NXN: variants seen among roughly 807,000 people sequenced by gnomAD.
NXN encodes nucleoredoxin 1.
A neutral mutation model predicts 48.6 loss-of-function variants in NXN; 16 were observed. That is an observed-to-expected ratio of 0.33 (90% confidence interval 0.22 to 0.50). The LOEUF is 0.50. NXN is among the 20% of genes least tolerant of loss of function. The pLI is 0.98. For missense variants in NXN, 492 were observed against 605.5 expected, an observed-to-expected ratio of 0.81 and a Z score of 1.97; for synonymous variants, 281 against 269.6, an observed-to-expected ratio of 1.04 and a Z score of -0.41.
chr17:857,988 G>C (rs990490648), intron 1 of NXN, among the ~76,000 whole-genome samples: 12 of 59,490 alleles, frequency 2.0e-4, no homozygotes, highest in African/African-American at 6.5e-4. Flanking sequence ...TTTTTTTTTT[G>C]AGATGGGGTC....
At chr17:877,361 T>A (rs940353229) in intron 1 of NXN, among the ~76,000 whole-genome samples, 2 of 152,006 alleles carry the variant, frequency 1.3e-5, no homozygotes, top group Admixed American at 6.5e-5. Context: ...TTGGCCAGGA[T>A]GGTCTCGATC....
intron 1 of NXN, among the ~76,000 whole-genome samples, chr17:884,718 C>A (rs367799118): frequency 3.3e-5 from 5 of 152,156 alleles, no homozygotes; most frequent in East Asian, 3.9e-4. Context: ...AGTCTTGAAT[C>A]CAAACGTTCA....
chr17:821,938 G>A (rs1912841486), intron 4 of NXN, among the ~76,000 whole-genome samples: 1 of 151,746 alleles, frequency 6.6e-6, no homozygotes, highest in Non-Finnish European at 1.5e-5. Flanking sequence ...ACATCCCCCA[G>A]TATTTACAGC....
Position 830,218 on chromosome 17 carries a change from C to A in NXN, c.361-4140G>T, listed in dbSNP as rs150528513. Among the ~76,000 whole-genome samples the A allele has an allele frequency of 8.5e-4, 130 of 152,272 alleles. No homozygotes were observed. The highest frequency in any genetic ancestry group is 2.7e-3 in the African/African-American group (113 of 41,544). The stretch of plus-strand genomic sequence containing the variant: ...AGTGATTCAGCAGATATTAAGTGAG[C>A]GCCCACTGTGTGCCAGGCTCGTTCT... On this transcript the variant is annotated intron_variant, in intron 1 of 7. Transcript: ENST00000336868. The surrounding 1 kb of genome is among the most constrained non-coding windows in gnomAD (Gnocchi z 4.2).
At chr17:811,318 T>TGGCCTAAGAGAGAA (rs1911987247) in intron 5 of NXN, among the ~76,000 whole-genome samples, 1 of 152,212 alleles carries the variant, frequency 6.6e-6, no homozygotes, top group Admixed American at 6.5e-5. Context: ...ACAGGGCCCC[T>TGGCCTAAGAGAGAA]GGCCTAAGAG....
intron 1 of NXN, among the ~76,000 whole-genome samples, chr17:951,175 T>TAAA (rs59266525): frequency 5.3e-5 from 3 of 56,766 alleles, no homozygotes; most frequent in Admixed American, 2.0e-4. Context: ...TGTCTCTACT[T>TAAA]AAAAAAAAAA....
intron 1 of NXN, among the ~76,000 whole-genome samples, chr17:974,631 A>G (rs1239033480): frequency 1.3e-5 from 2 of 151,900 alleles, no homozygotes; most frequent in African/African-American, 2.4e-5. Context: ...GCACAAGGAC[A>G]CACAGCTAAT....
At chr17:918,367 G>A (rs16942596) in intron 1 of NXN, among the ~76,000 whole-genome samples, 27,401 of 152,204 alleles carry the variant, frequency 0.18, 3,283 homozygotes, top group East Asian at 0.45. Flanking sequence ...ATCCATCAGC[G>A]AGTTTCATCG....
Position 825,848 on chromosome 17 carries a change from G to A in NXN, c.478+113C>T, listed in dbSNP as rs897294104. Reference sequence around the variant, plus strand: ...GACATTCTCTACCACGTAAACCCACGTGTATCTATTTCACCAGTACTCTCT... The same window carrying A: ...GACATTCTCTACCACGTAAACCCACATGTATCTATTTCACCAGTACTCTCT... On this transcript the variant is annotated intron_variant, in intron 2 of 7. Transcript: ENST00000336868. This position sits in a 1 kb window ranked among gnomAD's most constrained non-coding sequence, Gnocchi z 4.1. 8.7e-6 allele frequency: 6 copies of A among 686,028 alleles called. No individual in the cohort carries two copies. Among genetic ancestry groups the A allele is most frequent in the Admixed American group, 2.6e-5 (1 of 38,874 alleles). 42.5% of individuals were successfully genotyped at this position (686,028 alleles called of 1,614,324 possible).
chr17:977,372 CA>C (rs2069473481), intron 1 of NXN, among the ~76,000 whole-genome samples: 1 of 152,228 alleles, frequency 6.6e-6, no homozygotes, highest in Non-Finnish European at 1.5e-5. Context: ...CTGTGTCATC[CA>C]GGTTCTCATC....
At chr17:829,872 T>G (rs1156764460) in intron 1 of NXN, among the ~76,000 whole-genome samples, 1 of 152,228 alleles carries the variant, frequency 6.6e-6, no homozygotes, top group Non-Finnish European at 1.5e-5. Context: ...AGTCTATCAT[T>G]GATGGGCATT....
chr17:813,694 C>T (rs139827039), intron 5 of NXN, among the ~76,000 whole-genome samples: 70 of 152,214 alleles, frequency 4.6e-4, no homozygotes, highest in East Asian at 3.9e-3. Flanking sequence ...GCCGGCCGGG[C>T]GCGGTGGCTC....
At chr17:823,480 C>G in intron 3 of NXN, 152 bp downstream of exon 3, 1 of 707,792 alleles carries the variant, frequency 1.4e-6, no homozygotes, top group Non-Finnish European at 2.4e-6. Flanking sequence ...TAATCATAAG[C>G]ACTATTCAAC....
At chr17:929,828 T>A (rs2068835850) in intron 1 of NXN, 1 of 152,140 alleles carries the variant, frequency 6.6e-6, no homozygotes, top group Admixed American at 6.6e-5. Flanking sequence ...TAGTAGTGTT[T>A]AATCCAAAGA....
chr17:889,761 A>AAAGAAAGAAAG (rs1567850397), intron 1 of NXN, among the ~76,000 whole-genome samples: 6 of 70,828 alleles, frequency 8.5e-5, no homozygotes, highest in South Asian at 4.6e-4. Context: ...GAAAGAAAGA[A>AAAGAAAGAAAG]AAAGAAAGAA....
At chr17:927,981 G>A (rs1411258126) in intron 1 of NXN, among the ~76,000 whole-genome samples, 1 of 151,956 alleles carries the variant, frequency 6.6e-6, no homozygotes, top group African/African-American at 2.4e-5. Context: ...TTAGCAAAGA[G>A]AGGCGAGGAT....
intron 5 of NXN, among the ~76,000 whole-genome samples, chr17:807,453 A>G (rs1911625638): frequency 6.6e-6 from 1 of 152,140 alleles, no homozygotes; most frequent in Admixed American, 6.5e-5. Flanking sequence ...AAAGCTGCCC[A>G]TTTCCCGGCT....
At chr17:970,308 G>A (rs1461664861) in intron 1 of NXN, among the ~76,000 whole-genome samples, 1 of 152,026 alleles carries the variant, frequency 6.6e-6, no homozygotes, top group Non-Finnish European at 1.5e-5. Flanking sequence ...TTAGTCCTAG[G>A]ATCTCGGCAG....
At position 812,611 on chromosome 17, in the gene NXN, TGTGAGTGTAG is replaced by T. The variant is rs376923237; in HGVS notation, c.820+6818_820+6827del. The stretch of plus-strand genomic sequence containing the variant: ...TGTGTGATGGCGCGAGTGTGCATTG[TGTGAGTGTAG>T]GTGAGTGTAGGTGTGTGTGAGTGTG... On this transcript the variant is annotated intron_variant, in intron 5 of 7. Transcript: ENST00000336868. Among the ~76,000 whole-genome samples, 1,095 of 144,600 alleles carry T rather than the reference TGTGAGTGTAG, an allele frequency of 7.6e-3. 15 individuals carry two copies. Among genetic ancestry groups the T allele is most frequent in the African/African-American group, 0.03 (1,034 of 35,038 alleles). 94.9% of individuals were successfully genotyped at this position (144,600 alleles called of 152,430 possible). A position where few individuals can be genotyped will look rare whatever the true frequency, so the allele number is the denominator to read the frequency against.
Sources: allele counts gnomAD v4.1 joint callset (sites outside exome capture counted in the v4.1 genomes callset), GRCh38; gene constraint gnomAD v4.1.1; non-coding constraint Gnocchi (gnomAD v3.1); transcripts MANE v1.5; gene names NCBI Gene and HGNC (gene_info 2026-07-23, HGNC 2026-07-21).